Variants in MIER1 observed in about 807,000 individuals in gnomAD.
MIER1 encodes the protein MIER1 transcriptional regulator.
Under a neutral mutation model 75.7 loss-of-function variants are expected in MIER1, and 40 were observed. The ratio of observed to expected loss-of-function variants is 0.53; its 90% confidence interval spans 0.41 to 0.69. MIER1 has a LOEUF of 0.69. Ranked by LOEUF, MIER1 falls within the 30% of genes least tolerant of loss-of-function variation. MIER1 has a pLI of 0.00. For missense variants in MIER1, 574 were observed against 680.2 expected, an observed-to-expected ratio of 0.84 and a Z score of 1.74; for synonymous variants, 213 against 223.4, an observed-to-expected ratio of 0.95 and a Z score of 0.42.
At chr1:66,940,720 T>A (rs1431444008) in intron 3 of MIER1, among the ~76,000 whole-genome samples, 1 of 152,176 alleles carries the variant, frequency 6.6e-6, no homozygotes, top group Non-Finnish European at 1.5e-5. Context: ...TAAGAATATT[T>A]TATATATGAA....
At chr1:66,925,852 C>T (rs1031792136) in intron 1 of MIER1, among the ~76,000 whole-genome samples, 1 of 152,240 alleles carries the variant, frequency 6.6e-6, no homozygotes, top group Admixed American at 6.5e-5. Context: ...TATGTAATTA[C>T]AAGATTGACT....
chr1:66,969,175 G>C (rs1169016357), intron 8 of MIER1, among the ~76,000 whole-genome samples: 1 of 152,136 alleles, frequency 6.6e-6, no homozygotes, highest in African/African-American at 2.4e-5. Flanking sequence ...TTAAACAAAA[G>C]TATCTATTTT....
chr1:66,931,868 C>T (rs529810549), intron 2 of MIER1, among the ~76,000 whole-genome samples: 6 of 152,036 alleles, frequency 3.9e-5, no homozygotes, highest in African/African-American at 1.2e-4. Context: ...CTTCAGTGGA[C>T]CCCTTTCAGT....
At chr1:66,939,363 G>A (rs1387944516) in intron 2 of MIER1, among the ~76,000 whole-genome samples, 1 of 152,076 alleles carries the variant, frequency 6.6e-6, no homozygotes, top group East Asian at 1.9e-4. Context: ...ATTTATGACA[G>A]GTAGAATGGT....
chr1:66,945,946 C>T (rs1000661940), intron 3 of MIER1, among the ~76,000 whole-genome samples: 5 of 152,188 alleles, frequency 3.3e-5, no homozygotes, highest in African/African-American at 7.2e-5. Flanking sequence ...ATATTTATAA[C>T]ATTATAAACA....
intron 2 of MIER1, among the ~76,000 whole-genome samples, chr1:66,934,342 T>C (rs1457089529): frequency 6.6e-6 from 1 of 152,150 alleles, no homozygotes; most frequent in South Asian, 2.1e-4. Flanking sequence ...TGGCACAGTT[T>C]AGACTGGAAC....
chr1:66,948,973 A>G (rs1024212577), intron 4 of MIER1, among the ~76,000 whole-genome samples: 3 of 152,192 alleles, frequency 2.0e-5, no homozygotes, highest in Non-Finnish European at 4.4e-5. Flanking sequence ...AGTCAGAACT[A>G]TTGTTTAAAA....
Position 66,959,053 on chromosome 1 carries a change from T to G in MIER1, c.634+70T>G, listed in dbSNP as rs2101705857. ...TTTAGGTATTACCTAAAATCCTCTT[T>G]TTTAAACTGGTCTTTGAATTCATTT... is the stretch of plus-strand genomic sequence containing the variant. On this transcript the variant is annotated intron_variant, in intron 6 of 13. Transcript: ENST00000401041. 3 of 1,270,796 alleles carry G rather than the reference T, an allele frequency of 2.4e-6. No individual in the cohort carries two copies. The East Asian group carries it at 7.4e-5, about 31-fold the overall frequency. 78.7% of individuals were successfully genotyped at this position (1,270,796 alleles called of 1,614,324 possible). A position where few individuals can be genotyped will look rare whatever the true frequency, so the allele number is the denominator to read the frequency against.
chr1:66,986,056 GA>G lies in MIER1; in HGVS notation c.*1157del. On this transcript the variant is annotated 3_prime_UTR_variant, in exon 14 of 14. Transcript: ENST00000401041. ...CCATTTCTGCATTAAATAAACAGAG[GA>G]GGGGGGTCAAGTGATACTTAGATAT... is the stretch of plus-strand genomic sequence containing the variant. 9.9e-7 allele frequency: 1 copy of G among 1,014,362 alleles called. No individual in the cohort carries two copies. The highest frequency in any genetic ancestry group is 1.2e-6 in the Non-Finnish European group (1 of 849,336). 62.8% of individuals were successfully genotyped at this position (1,014,362 alleles called of 1,614,324 possible).
intron 3 of MIER1, among the ~76,000 whole-genome samples, chr1:66,943,876 A>G (rs72673711): frequency 0.039 from 5,984 of 152,306 alleles, 148 homozygotes; most frequent in Non-Finnish European, 0.054. Context: ...CTTGGAGTCC[A>G]GTAAAAGCAT....
rs545813150 is a variant in MIER1 at position 66,930,056 on chromosome 1, CCG to C, written c.168+3819_168+3820del. ...GATCAGCTGGAGCCAGCGAAGCGCC[CCG>C]CGCGGTTGCCCACCTCCTCCCACAC... On this transcript the variant is annotated intron_variant, in intron 2 of 13. Transcript: ENST00000401041. Among the ~76,000 whole-genome samples, 21 of 152,310 alleles carry C rather than the reference CCG, an allele frequency of 1.4e-4. No individual in the cohort carries two copies. In the South Asian group the frequency reaches 4.3e-3, roughly 32 times the overall value.
In MIER1 at chr1:66,959,680, T is replaced by C; in HGVS notation, c.636T>C (p.Asn212=). 1 of 1,358,288 alleles carries C rather than the reference T, an allele frequency of 7.4e-7. No homozygotes were observed. The highest frequency in any genetic ancestry group is 1.0e-6 in the Non-Finnish European group (1 of 999,160). The allele number at this position is 1,358,288 out of a possible 1,614,324, so 84.1% of individuals were successfully genotyped here. A position where few individuals can be genotyped will look rare whatever the true frequency, so the allele number is the denominator to read the frequency against. The change falls in exon 7 of 14, where the codon AAT becomes AAC. Residue 212 remains asparagine (N), a splice_region_variant and synonymous_variant. Coordinates refer to ENST00000401041, the MANE Select transcript of MIER1 (RefSeq NM_001077700.3). ...GTATTGGTGTCTTATTTATTCTAGATAGTGAAGTAGAAGAAGAATCTGAAG... is the reference window on the plus strand; with the variant it reads ...GTATTGGTGTCTTATTTATTCTAGACAGTGAAGTAGAAGAAGAATCTGAAG... ...RPRRCKYFDT[N]SEVEEESEED... is the part of the protein sequence containing the mutation.
intron 5 of MIER1, 71 bp from the exon 6 acceptor site, chr1:66,958,780 T>G (rs1395084838): frequency 7.6e-7 from 1 of 1,307,952 alleles, no homozygotes; most frequent in Non-Finnish European, 1.1e-6. Flanking sequence ...GAACAAAATT[T>G]ATATGCTATG....
Position 66,975,679 on chromosome 1 carries a change from C to T in MIER1, c.1102-916C>T, listed in dbSNP as rs77711647. On this transcript the variant is annotated intron_variant, in intron 11 of 13. Coordinates refer to ENST00000401041, the MANE Select transcript of MIER1 (RefSeq NM_001077700.3). ...GAATTCTGTCAGCATCATTTAATTC[C>T]GTAGGCATTTAACATTATGTGAGGG... 6.4e-3 allele frequency among the ~76,000 whole-genome samples: 969 copies of T among 152,216 alleles called. 9 individuals are homozygous for T. Among genetic ancestry groups the T allele is most frequent in the African/African-American group, 0.022 (894 of 41,518 alleles).
At chr1:66,942,626 G>C (rs1343549989) in intron 3 of MIER1, among the ~76,000 whole-genome samples, 3 of 151,990 alleles carry the variant, frequency 2.0e-5, no homozygotes, top group African/African-American at 7.3e-5. Context: ...ACAGCCTAAT[G>C]GTGGGTCTAG....
intron 2 of MIER1, among the ~76,000 whole-genome samples, chr1:66,929,979 C>G (rs527979690): frequency 6.6e-6 from 1 of 152,260 alleles, no homozygotes; most frequent in African/African-American, 2.4e-5. Context: ...TCCTTTGGCA[C>G]TGTTCCTTGA....
chr1:66,987,394 T>G lies in MIER1; in HGVS notation c.*2494T>G, dbSNP rs1282454560. 7 of 152,666 alleles carry G rather than the reference T, an allele frequency of 4.6e-5. No homozygotes were observed. Among genetic ancestry groups the G allele is most frequent in the African/African-American group, 1.7e-4 (7 of 41,442 alleles). 9.5% of individuals were successfully genotyped at this position (152,666 alleles called of 1,614,324 possible). ...TAGTGATTTAGTCTCCCCGCCTCAT[T>G]CCCACCCCCAACAAAGCACTATCAT... On this transcript the variant is annotated 3_prime_UTR_variant, in exon 14 of 14. Transcript: ENST00000401041.
intron 8 of MIER1, among the ~76,000 whole-genome samples, chr1:66,963,462 A>G (rs1421724211): frequency 6.6e-6 from 1 of 152,188 alleles, no homozygotes; most frequent in Non-Finnish European, 1.5e-5. Flanking sequence ...TCAGTGCTCT[A>G]AACTTTAACC....
chr1:66,954,513 T>C (rs1659683507), intron 4 of MIER1, among the ~76,000 whole-genome samples: 1 of 152,182 alleles, frequency 6.6e-6, no homozygotes, highest in Non-Finnish European at 1.5e-5. Flanking sequence ...TTTGTTTCTG[T>C]ACCATACATT....
Sources: allele counts gnomAD v4.1 joint callset (sites outside exome capture counted in the v4.1 genomes callset), GRCh38; gene constraint gnomAD v4.1.1; transcripts MANE v1.5; gene names NCBI Gene and HGNC (gene_info 2026-07-23, HGNC 2026-07-21).